The following LENG9 variants were observed in gnomAD, a reference collection of about 807,000 sequenced individuals.
The protein encoded by LENG9 is leukocyte receptor cluster (LRC) member 9.
For missense variants in LENG9, 872 were observed against 652.7 expected, an observed-to-expected ratio of 1.34 and a Z score of -3.66; for synonymous variants, 410 against 303.9, an observed-to-expected ratio of 1.35 and a Z score of -3.63.
rs925462240 is a variant in LENG9, at chr19:54,462,534, G to A, written c.993C>T (p.Phe331=). 1.2e-6 allele frequency: 2 copies of A among 1,613,688 alleles called. No individual in the cohort carries two copies. Among genetic ancestry groups the A allele is most frequent in the South Asian group, 1.1e-5 (1 of 91,088 alleles). The change falls in exon 1 of 1, where the codon TTC becomes TTT. Residue 331 remains phenylalanine, a synonymous_variant. Coordinates refer to ENST00000611161, the MANE Select transcript of LENG9 (RefSeq NM_001301782.2). ...GGTGTAGGTTCTGAGAGGGCACTAG[G>A]AAGTTGGCGCAGTGTGGGGCCACGT... ...LVHVAPHCAN[F]LVPSQNLHLT...
rs890245812 is a variant in LENG9 at position 54,463,673 on chromosome 19, G to A, written c.-147C>T. On this transcript the variant is annotated 5_prime_UTR_variant, in exon 1 of 1. Coordinates refer to ENST00000611161, the MANE Select transcript of LENG9 (RefSeq NM_001301782.2). ...TCTGGGGACCACGCCGCGTGCCCTC[G>A]CGAGGACTCTGGCCCAGTCCCTCCT... The A allele has an allele frequency of 2.0e-5, 22 of 1,112,364 alleles. No homozygotes were observed. The highest frequency in any genetic ancestry group is 2.4e-5 in the Non-Finnish European group (21 of 868,160). 68.9% of individuals were successfully genotyped at this position (1,112,364 alleles called of 1,614,324 possible).
At position 54,463,343 on chromosome 19, in the gene LENG9, G is replaced by A; in HGVS notation, c.184C>T (p.Pro62Ser). The A allele has an allele frequency of 2.8e-6, 4 of 1,451,992 alleles. No individual in the cohort carries two copies. The South Asian group carries it at 4.0e-5, about 14-fold the overall frequency. The allele number at this position is 1,451,992 out of a possible 1,614,324, so 89.9% of individuals were successfully genotyped here. A position where few individuals can be genotyped will look rare whatever the true frequency, so the allele number is the denominator to read the frequency against. ...ACGTCCGCGGCTGTGCGCAGCGGCG[G>A]CTTCTTGGCCCCGGCCTCCGGCTGC... ...EAQPEAGAKK[P>S]PLRTAADVIQ... The change falls in exon 1 of 1, where the codon CCG becomes TCG. Residue 62 changes from proline (P) to serine (S), a missense_variant. Coordinates refer to ENST00000611161, the MANE Select transcript of LENG9 (RefSeq NM_001301782.2).
chr19:54,463,181 C>T lies in LENG9; in HGVS notation c.346G>A (p.Gly116Ser). 2 of 1,573,666 alleles carry T rather than the reference C, an allele frequency of 1.3e-6. No individual in the cohort carries two copies. The highest frequency in any genetic ancestry group is 1.7e-6 in the Non-Finnish European group (2 of 1,166,252). The change falls in exon 1 of 1, where the codon GGC (glycine) becomes AGC (serine). Residue 116 changes from glycine to serine, a missense_variant. Gly to Ser is a moderately conservative substitution (Grantham distance 56). Coordinates refer to ENST00000611161, the MANE Select transcript of LENG9 (RefSeq NM_001301782.2). Reference protein sequence around the residue: ...WDQPLAALGPGVLAVPQHRVR... With the variant: ...WDQPLAALGPSVLAVPQHRVR... Reference sequence around the variant, plus strand: ...CGGTGCTGGGGCACTGCCAGCACGCCCGGCCCGAGCGCCGCCAGCGGCTGG... The same window carrying T: ...CGGTGCTGGGGCACTGCCAGCACGCTCGGCCCGAGCGCCGCCAGCGGCTGG...
At position 54,462,359 on chromosome 19, in the gene LENG9, C is replaced by T. The variant is rs764496170; in HGVS notation, c.1168G>A (p.Ala390Thr). ...LVLLGPHVLC[A>T]PPSPTLESMA... ...CTTTCCAGTGTGGGAGAGGGTGGGG[C>T]ACACAGCACATGCGGGCCCAGGAGG... The change falls in exon 1 of 1, where the codon GCC becomes ACC. Residue 390 changes from alanine to threonine, a missense_variant. Transcript: ENST00000611161. The T allele has an allele frequency of 3.1e-6, 5 of 1,611,190 alleles. No individual in the cohort carries two copies. Among genetic ancestry groups the T allele is most frequent in the Non-Finnish European group, 4.2e-6 (5 of 1,178,218 alleles).
In LENG9 at chr19:54,462,256, T is replaced by G. The variant is rs777455252; in HGVS notation, c.1271A>C (p.His424Pro). The G allele has an allele frequency of 1.9e-6, 3 of 1,611,158 alleles. No homozygotes were observed. Among genetic ancestry groups the G allele is most frequent in the Admixed American group, 1.7e-5 (1 of 59,818 alleles). Residue 424 changes from histidine (H) to proline (P), a missense_variant, in exon 1 of 1, where the codon CAC (histidine) becomes CCC (proline). His to Pro is a moderately conservative substitution (Grantham distance 77). Transcript: ENST00000611161. ...ATGGGGCACCTTGGCCACGGTGAGG[T>G]GGGGGTGCAGCTGCCCTGGAGACTG... ...TLQSPGQLHP[H>P]LTVAKVPHGS...
chr19:54,461,850 A>T lies in LENG9; in HGVS notation c.*240T>A. Reference sequence around the variant, plus strand: ...CCATGTAACTGGAGGATGTGCTATGAGTTTGCAAACAGCTGGACTGTCAGG... The same window carrying T: ...CCATGTAACTGGAGGATGTGCTATGTGTTTGCAAACAGCTGGACTGTCAGG... On this transcript the variant is annotated 3_prime_UTR_variant, in exon 1 of 1. Transcript: ENST00000611161. 1.6e-6 allele frequency: 1 copy of T among 638,146 alleles called. No individual in the cohort carries two copies. The allele number at this position is 638,146 out of a possible 1,614,324, so 39.5% of individuals were successfully genotyped here. A position where few individuals can be genotyped will look rare whatever the true frequency, so the allele number is the denominator to read the frequency against.
At position 54,463,490 on chromosome 19, in the gene LENG9, C is replaced by A; in HGVS notation, c.37G>T (p.Ala13Ser). 2 of 1,309,942 alleles carry A rather than the reference C, an allele frequency of 1.5e-6. No individual in the cohort carries two copies. The highest frequency in any genetic ancestry group is 4.3e-5 in the South Asian group (2 of 46,654). 81.1% of individuals were successfully genotyped at this position (1,309,942 alleles called of 1,614,324 possible). A position where few individuals can be genotyped will look rare whatever the true frequency, so the allele number is the denominator to read the frequency against. ...AAREPELPQEAPATEPAPPPA... is the reference protein window; with the variant it reads ...AAREPELPQESPATEPAPPPA... ...GGGGGCGCGGGTTCCGTGGCGGGGGCTTCCTGCGGCAACTCCGGCTCTCTG... is the reference window on the plus strand; with the variant it reads ...GGGGGCGCGGGTTCCGTGGCGGGGGATTCCTGCGGCAACTCCGGCTCTCTG... The change falls in exon 1 of 1, where the codon GCC becomes TCC. Residue 13 changes from alanine to serine, a missense_variant. Ala to Ser is a moderately conservative substitution (Grantham distance 99, BLOSUM62 1). Coordinates refer to ENST00000611161, the MANE Select transcript of LENG9 (RefSeq NM_001301782.2).
In LENG9 at chr19:54,463,653, G is replaced by A. The variant is rs2084676322; in HGVS notation, c.-127C>T. On this transcript the variant is annotated 5_prime_UTR_variant, in exon 1 of 1. Transcript: ENST00000611161. ...GGCCCGCGCTCCGGCCTAGCTCTGG[G>A]GACCACGCCGCGTGCCCTCGCGAGG... 1 of 1,212,228 alleles carries A rather than the reference G, an allele frequency of 8.2e-7. No individual in the cohort carries two copies. Among genetic ancestry groups the A allele is most frequent in the South Asian group, 2.8e-5 (1 of 36,014 alleles). 75.1% of individuals were successfully genotyped at this position (1,212,228 alleles called of 1,614,324 possible).
At position 54,462,739 on chromosome 19, in the gene LENG9, G is replaced by A. The variant is rs1600033858; in HGVS notation, c.788C>T (p.Pro263Leu). 2 of 1,610,858 alleles carry A rather than the reference G, an allele frequency of 1.2e-6. No homozygotes were observed. Among genetic ancestry groups the A allele is most frequent in the Non-Finnish European group, 8.5e-7 (1 of 1,179,988 alleles). Reference protein sequence around the residue: ...GGKEAQALGVPGGSAETTEAE... With the variant: ...GGKEAQALGVLGGSAETTEAE... ...TTCTGTCGTCTCAGCGGAGCCCCCC[G>A]GGACTCCCAGGGCCTGTGCTTCCTT... Residue 263 changes from proline to leucine, a missense_variant, in exon 1 of 1, where the codon CCG (proline) becomes CTG (leucine). Coordinates refer to ENST00000611161, the MANE Select transcript of LENG9 (RefSeq NM_001301782.2).
chr19:54,463,676 A>G lies in LENG9; in HGVS notation c.-150T>C, dbSNP rs761566919. 17 of 1,095,824 alleles carry G rather than the reference A, an allele frequency of 1.6e-5. No homozygotes were observed. Among genetic ancestry groups the G allele is most frequent in the Non-Finnish European group, 2.0e-5 (17 of 852,960 alleles). The allele number at this position is 1,095,824 out of a possible 1,614,324, so 67.9% of individuals were successfully genotyped here. A position where few individuals can be genotyped will look rare whatever the true frequency, so the allele number is the denominator to read the frequency against. ...GGGGACCACGCCGCGTGCCCTCGCG[A>G]GGACTCTGGCCCAGTCCCTCCTTGG... On this transcript the variant is annotated 5_prime_UTR_variant, in exon 1 of 1. Transcript: ENST00000611161.
In LENG9 at chr19:54,462,477, A is replaced by T. The variant is rs575759070; in HGVS notation, c.1050T>A (p.Ala350=). The T allele has an allele frequency of 6.2e-7, 1 of 1,613,402 alleles. No individual in the cohort carries two copies. Among genetic ancestry groups the T allele is most frequent in the East Asian group, 2.2e-5 (1 of 44,884 alleles). Residue 350 remains alanine (A), a synonymous_variant, in exon 1 of 1, where the codon GCT becomes GCA. Transcript: ENST00000611161. ...CTCCAATGGCAGCGGCCTCCTCCCC[A>T]GCGCCTGCCAGTCGCAGCAGGGCCA... is the stretch of plus-strand genomic sequence containing the variant. The part of the protein sequence containing the change: ...LTLALLRLAG[A]GEEAAAIGAL...
chr19:54,462,451 G>A lies in LENG9; in HGVS notation c.1076C>T (p.Ala359Val). The change falls in exon 1 of 1, where the codon GCT becomes GTT. Residue 359 changes from alanine (A) to valine (V), a missense_variant. Transcript: ENST00000611161. ...GAGEEAAAIG[A>V]LRRALLAPGL... is the part of the protein sequence containing the mutation. ...CGGGGCCAAGAGGGCCCGTCTCAGAGCTCCAATGGCAGCGGCCTCCTCCCC... is the reference window on the plus strand; with the variant it reads ...CGGGGCCAAGAGGGCCCGTCTCAGAACTCCAATGGCAGCGGCCTCCTCCCC... The A allele has an allele frequency of 6.2e-7, 1 of 1,613,536 alleles. No individual in the cohort carries two copies. The highest frequency in any genetic ancestry group is 1.1e-5 in the South Asian group (1 of 91,080).
chr19:54,462,353 G>GTA lies in LENG9; in HGVS notation c.1173_1174insTA (p.Pro392TyrfsTer13), dbSNP rs777491962. The stretch of plus-strand genomic sequence containing the variant: ...GCCATGCTTTCCAGTGTGGGAGAGG[G>GTA]TGGGGCACACAGCACATGCGGGCCC... On this transcript the variant is annotated frameshift_variant, in exon 1 of 1. Transcript: ENST00000611161. LOFTEE classifies it low-confidence loss of function (END_TRUNC). 5.0e-6 allele frequency: 8 copies of GTA among 1,610,902 alleles called. No homozygotes were observed. The highest frequency in any genetic ancestry group is 6.8e-6 in the Non-Finnish European group (8 of 1,178,046).
At position 54,462,176 on chromosome 19, in the gene LENG9, A is replaced by AC; in HGVS notation, c.1350dup (p.Cys451ValfsTer24). Reference sequence around the variant, plus strand: ...AGCCAGAGTGTCTGCAGGGGCTGGCACCCCACTTCCTGGCTGAGGGTGAAC... The same window carrying AC: ...AGCCAGAGTGTCTGCAGGGGCTGGCACCCCCACTTCCTGGCTGAGGGTGAAC... On this transcript the variant is annotated frameshift_variant, in exon 1 of 1. Coordinates refer to ENST00000611161, the MANE Select transcript of LENG9 (RefSeq NM_001301782.2). LOFTEE classifies it low-confidence loss of function (END_TRUNC). 6.2e-7 allele frequency: 1 copy of AC among 1,612,528 alleles called. No homozygotes were observed. Among genetic ancestry groups the AC allele is most frequent in the African/African-American group, 1.3e-5 (1 of 75,004 alleles).
At position 54,462,268 on chromosome 19, in the gene LENG9, T is replaced by C. The variant is rs1274867794; in HGVS notation, c.1259A>G (p.Gln420Arg). Residue 420 changes from glutamine (Q) to arginine (R), a missense_variant, in exon 1 of 1, where the codon CAG becomes CGG. Physicochemically the swap from Gln to Arg is conservative, Grantham distance 43. Transcript: ENST00000611161. The stretch of plus-strand genomic sequence containing the variant: ...GGCCACGGTGAGGTGGGGGTGCAGC[T>C]GCCCTGGAGACTGTAGTGTACTCAG... ...EGLSTLQSPG[Q>R]LHPHLTVAKV... The C allele has an allele frequency of 6.2e-7, 1 of 1,608,788 alleles. No homozygotes were observed. Among genetic ancestry groups the C allele is most frequent in the Non-Finnish European group, 8.5e-7 (1 of 1,176,926 alleles).
In LENG9 at chr19:54,463,446, G is replaced by A. The variant is rs1409172443; in HGVS notation, c.81C>T (p.Phe27=). ...EPAPPPACRF[F]LEGRCRFGAR... is the part of the protein sequence containing the mutation. ...CGCCGAAGCGGCAGCGGCCTTCCAG[G>A]AAGAAGCGGCAGGCCGGCGGGGGCG... The change falls in exon 1 of 1, where the codon TTC becomes TTT. Residue 27 remains phenylalanine, a synonymous_variant. Coordinates refer to ENST00000611161, the MANE Select transcript of LENG9 (RefSeq NM_001301782.2). 1.8e-5 allele frequency: 23 copies of A among 1,268,818 alleles called. No individual in the cohort carries two copies. Among genetic ancestry groups the A allele is most frequent in the Non-Finnish European group, 2.0e-5 (20 of 1,007,458 alleles). 78.6% of individuals were successfully genotyped at this position (1,268,818 alleles called of 1,614,324 possible).
Position 54,463,537 on chromosome 19 carries a change from A to G in LENG9, c.-11T>C. On this transcript the variant is annotated 5_prime_UTR_variant, in exon 1 of 1. Coordinates refer to ENST00000611161, the MANE Select transcript of LENG9 (RefSeq NM_001301782.2). ...TCTGGCCGCTGCCATGGGTGCGGGG[A>G]ACTGGCACGCCCGCCGCGCAGACGA... 7.2e-7 allele frequency: 1 copy of G among 1,388,204 alleles called. No homozygotes were observed. Among genetic ancestry groups the G allele is most frequent in the Non-Finnish European group, 9.4e-7 (1 of 1,066,808 alleles). 86.0% of individuals were successfully genotyped at this position (1,388,204 alleles called of 1,614,324 possible).
Position 54,463,482 on chromosome 19 carries a change from G to T in LENG9, c.45C>A (p.Ala15=), listed in dbSNP as rs1411618444. 1.5e-5 allele frequency: 19 copies of T among 1,304,774 alleles called. No individual in the cohort carries two copies. Among genetic ancestry groups the T allele is most frequent in the Non-Finnish European group, 1.7e-5 (17 of 1,025,688 alleles). The allele number at this position is 1,304,774 out of a possible 1,614,324, so 80.8% of individuals were successfully genotyped here. A position where few individuals can be genotyped will look rare whatever the true frequency, so the allele number is the denominator to read the frequency against. ...REPELPQEAP[A]TEPAPPPACR... is the part of the protein sequence containing the mutation. ...AGGCCGGCGGGGGCGCGGGTTCCGT[G>T]GCGGGGGCTTCCTGCGGCAACTCCG... Residue 15 remains alanine, a synonymous_variant, in exon 1 of 1, where the codon GCC becomes GCA. Transcript: ENST00000611161.
Position 54,462,636 on chromosome 19 carries a change from G to C in LENG9, c.891C>G (p.Pro297=). The C allele has an allele frequency of 1.2e-6, 2 of 1,613,440 alleles. No individual in the cohort carries two copies. Among genetic ancestry groups the C allele is most frequent in the Non-Finnish European group, 1.7e-6 (2 of 1,180,018 alleles). ...LSVAAPCQPR[P]THFVALMVTE... ...TCACCATGAGGGCCACAAAATGTGTGGGGCGCGGTTGGCAAGGGGCTGCAA... is the reference window on the plus strand; with the variant it reads ...TCACCATGAGGGCCACAAAATGTGTCGGGCGCGGTTGGCAAGGGGCTGCAA... The change falls in exon 1 of 1, where the codon CCC becomes CCG. Residue 297 remains proline (P), a synonymous_variant. Transcript: ENST00000611161.
Sources: gnomAD v4.1 joint callset for allele counts on GRCh38, gnomAD v4.1.1 for gene constraint, MANE v1.5 for transcripts, NCBI Gene and HGNC (gene_info 2026-07-23, HGNC 2026-07-21) for gene names.